CSMD3: variants seen among roughly 807,000 people sequenced by gnomAD.
The protein encoded by CSMD3 is CUB and sushi domain-containing protein 3.
A neutral mutation model predicts 435.2 loss-of-function variants in CSMD3; 177 were observed. That is an observed-to-expected ratio of 0.41 (90% confidence interval 0.36 to 0.46). CSMD3 has a LOEUF of 0.46. Among genes scored for constraint, CSMD3 ranks in the 20% least tolerant of loss-of-function variants. The pLI is 0.34. For missense variants in CSMD3, 4,265 were observed against 4,504.6 expected (o/e 0.95, Z 1.52); for synonymous variants, 1,656 against 1,520.5 (o/e 1.09, Z -2.07).
intron 2 of CSMD3, among the ~76,000 whole-genome samples, chr8:113,306,467 G>C (rs1462545497): frequency 6.6e-6 from 1 of 152,116 alleles, no homozygotes; most frequent in East Asian, 1.9e-4. Context: ...ACTACCCTCT[G>C]GTCATTTGTT....
intron 13 of CSMD3, among the ~76,000 whole-genome samples, chr8:112,791,094 T>C (rs915647594): frequency 6.6e-6 from 1 of 151,994 alleles, no homozygotes; most frequent in African/African-American, 2.4e-5. Flanking sequence ...AAGCTGAGGC[T>C]GGAGGATCAC....
intron 41 of CSMD3, among the ~76,000 whole-genome samples, chr8:112,344,980 C>T (rs11783361): frequency 0.2 from 30,089 of 151,926 alleles, 3,666 homozygotes; most frequent in East Asian, 0.4. Flanking sequence ...GTTACAAAAA[C>T]AATGCACATA....
At chr8:113,400,575 A>G (rs1187020342) in intron 1 of CSMD3, among the ~76,000 whole-genome samples, 1 of 151,918 alleles carries the variant, frequency 6.6e-6, no homozygotes, top group East Asian at 1.9e-4. Flanking sequence ...TTCAGATTTC[A>G]GCTACAGGGG....
At chr8:112,275,935 C>T (rs1399243705) in intron 59 of CSMD3, among the ~76,000 whole-genome samples, 4 of 152,162 alleles carry the variant, frequency 2.6e-5, no homozygotes, top group African/African-American at 9.7e-5. Context: ...CCCAATAGTT[C>T]CCAAAAGTCT....
At chr8:112,568,820 T>C (rs1829272744) in intron 24 of CSMD3, among the ~76,000 whole-genome samples, 1 of 152,178 alleles carries the variant, frequency 6.6e-6, no homozygotes, top group Non-Finnish European at 1.5e-5. Context: ...GAAGCAGATA[T>C]TAGTTCAGTA....
At position 113,258,192 on chromosome 8, in the gene CSMD3, T is replaced by C. The variant is rs191106408; in HGVS notation, c.514+20400A>G. ...AAAGATTTTCTGACACAAAACATAATGGCCAAAACAGGATTGGTGCTTATT... is the reference window on the plus strand; with the variant it reads ...AAAGATTTTCTGACACAAAACATAACGGCCAAAACAGGATTGGTGCTTATT... On this transcript the variant is annotated intron_variant, in intron 3 of 70. Transcript: ENST00000297405. Among the ~76,000 whole-genome samples the C allele has an allele frequency of 8.9e-4, 136 of 152,314 alleles. 1 individual carries two copies. Among genetic ancestry groups the C allele is most frequent in the African/African-American group, 3.1e-3 (129 of 41,582 alleles).
chr8:112,494,976 T>C (rs923035455), intron 30 of CSMD3, among the ~76,000 whole-genome samples: 1 of 152,072 alleles, frequency 6.6e-6, no homozygotes, highest in Admixed American at 6.6e-5. Context: ...CTCCATATAT[T>C]ATACTCAAGC....
chr8:113,225,118 T>C (rs988367701), intron 3 of CSMD3, among the ~76,000 whole-genome samples: 16 of 151,426 alleles, frequency 1.1e-4, no homozygotes, highest in Non-Finnish European at 1.9e-4. Flanking sequence ...GTTAAAGGTG[T>C]TTATATTAAT....
chr8:113,188,979 G>A (rs1333226272), intron 3 of CSMD3, among the ~76,000 whole-genome samples: 1 of 151,630 alleles, frequency 6.6e-6, no homozygotes, highest in Non-Finnish European at 1.5e-5. Context: ...GATCATTTGG[G>A]CACAGACTCA....
At position 112,752,171 on chromosome 8, in the gene CSMD3, C is replaced by T. The variant is rs190185005; in HGVS notation, c.1972+47991G>A. Among the ~76,000 whole-genome samples the T allele has an allele frequency of 7.9e-5, 12 of 152,210 alleles. No homozygotes were observed. In the East Asian group the frequency reaches 1.5e-3, roughly 20 times the overall value. ...ATTTAACCTTGTTGACTATCCTCTC[C>T]GCCTTGATTTCCTTTCTTCATAAGG... is the stretch of plus-strand genomic sequence containing the variant. On this transcript the variant is annotated intron_variant, in intron 13 of 70. Coordinates refer to ENST00000297405, the MANE Select transcript of CSMD3 (RefSeq NM_198123.2).
intron 4 of CSMD3, among the ~76,000 whole-genome samples, chr8:113,144,352 G>A (rs1401372035): frequency 3.3e-5 from 5 of 151,030 alleles, no homozygotes; most frequent in African/African-American, 7.3e-5. Context: ...CATAATATTC[G>A]CCAAATCTGT....
At chr8:112,922,426 C>T (rs963075399) in intron 9 of CSMD3, among the ~76,000 whole-genome samples, 1 of 152,010 alleles carries the variant, frequency 6.6e-6, no homozygotes, top group South Asian at 2.1e-4. Context: ...TTGACTATAG[C>T]TATCTTGTTA....
At chr8:112,439,080 T>C (rs1814692596) in intron 32 of CSMD3, among the ~76,000 whole-genome samples, 1 of 152,204 alleles carries the variant, frequency 6.6e-6, no homozygotes, top group Non-Finnish European at 1.5e-5. Flanking sequence ...ATTATGATAA[T>C]AACATGAGAT....
chr8:113,195,400 A>T (rs778248391), intron 3 of CSMD3, among the ~76,000 whole-genome samples: 1 of 150,934 alleles, frequency 6.6e-6, no homozygotes, highest in Non-Finnish European at 1.5e-5. Context: ...TTCAAATGGA[A>T]TTGGTAGGCT....
intron 15 of CSMD3, among the ~76,000 whole-genome samples, chr8:112,683,343 G>T (rs1023056733): frequency 7.2e-5 from 11 of 151,812 alleles, no homozygotes; most frequent in African/African-American, 2.4e-4. Context: ...ATAGAAATAG[G>T]GCTTCATAGG....
At chr8:112,491,579 G>A (rs1018236460) in intron 31 of CSMD3, among the ~76,000 whole-genome samples, 1 of 152,092 alleles carries the variant, frequency 6.6e-6, no homozygotes, top group Non-Finnish European at 1.5e-5. Context: ...GATTGCGGGA[G>A]GTGGAGTTGC....
At chr8:112,931,657 G>C (rs2130710138) in intron 9 of CSMD3, among the ~76,000 whole-genome samples, 1 of 152,128 alleles carries the variant, frequency 6.6e-6, no homozygotes, top group Admixed American at 6.6e-5. Flanking sequence ...AAAGTAAAAA[G>C]ACAACCTGTT....
At chr8:112,498,074 C>T (rs1821552019) in intron 30 of CSMD3, among the ~76,000 whole-genome samples, 2 of 151,978 alleles carry the variant, frequency 1.3e-5, no homozygotes, top group Admixed American at 1.3e-4. Context: ...TTCTCTCTAC[C>T]TATACTTATA....
At chr8:112,243,993 T>C (rs6995441) in intron 65 of CSMD3, among the ~76,000 whole-genome samples, 64,644 of 151,766 alleles carry the variant, frequency 0.43, 15,767 homozygotes, top group African/African-American at 0.68. Flanking sequence ...CAAAGAATGG[T>C]TTCTGCTTAG....
Sources: allele counts gnomAD v4.1 joint callset (sites outside exome capture counted in the v4.1 genomes callset), GRCh38; gene constraint gnomAD v4.1.1; transcripts MANE v1.5; gene names NCBI Gene and HGNC (gene_info 2026-07-23, HGNC 2026-07-21).